PLXNA1: variants seen among roughly 807,000 people sequenced by gnomAD.
The protein encoded by PLXNA1 is plexin-A1.
PLXNA1 carries 77 observed loss-of-function variants against 191.7 expected under a neutral mutation model. The observed-to-expected ratio is 0.40, with a 90% CI of 0.33 to 0.49. The LOEUF (loss-of-function observed/expected upper bound fraction) is 0.49, where lower values mean the gene tolerates loss of function less well. Ranked by LOEUF, PLXNA1 falls within the 20% of genes least tolerant of loss-of-function variation. PLXNA1 has a pLI of 0.63. For synonymous variants in PLXNA1, 1,137 were observed against 1,156.4 expected (o/e 0.98, Z 0.34); for missense variants, 2,110 against 2,660.2 (o/e 0.79, Z 4.55).
In PLXNA1 at chr3:127,032,815, C is replaced by T; in HGVS notation, c.5574C>T (p.Tyr1858=). 1.2e-6 allele frequency: 2 copies of T among 1,613,208 alleles called. No individual in the cohort carries two copies. The highest frequency in any genetic ancestry group is 1.6e-4 in the Middle Eastern group (1 of 6,062). Residue 1858 remains tyrosine, a synonymous_variant, in exon 31 of 32, where the codon TAC becomes TAT. Transcript: ENST00000393409. The part of the protein sequence containing the change: ...SMSALHEIYS[Y]ITKYKDEILA... The stretch of plus-strand genomic sequence containing the variant: ...GCGCCTTGCACGAGATCTACTCCTA[C>T]ATCACCAAGTACAAGGATGAGGTGA...
At position 127,022,215 on chromosome 3, in the gene PLXNA1, C is replaced by T. The variant is rs1253989899; in HGVS notation, c.4169C>T (p.Ala1390Val). ...SFSMRDRGNV[A>V]SLIMTALQGE... is the part of the protein sequence containing the mutation. ...TCCATGCGCGACCGCGGGAATGTGG[C>T]CTCGCTCATCATGACGGCCCTGCAG... The change falls in exon 22 of 32, where the codon GCC (alanine) becomes GTC (valine). Residue 1390 changes from alanine to valine, a missense_variant. Ala to Val is a moderately conservative substitution (Grantham distance 64). Around this residue, in one of 4 missense-constraint regions of PLXNA1, gnomAD observed 559 missense variants for 911.5 expected, o/e 0.61. Transcript: ENST00000393409. 1 of 1,613,328 alleles carries T rather than the reference C, an allele frequency of 6.2e-7. No homozygotes were observed. Among genetic ancestry groups the T allele is most frequent in the African/African-American group, 1.3e-5 (1 of 74,954 alleles).
intron 3 of PLXNA1, among the ~76,000 whole-genome samples, chr3:126,997,305 T>C (rs2079019057): frequency 6.6e-6 from 1 of 152,184 alleles, no homozygotes. Flanking sequence ...GGAGCCTCTG[T>C]TGTTGTTCTG....
At chr3:126,999,705 C>G (rs960523511) in intron 3 of PLXNA1, among the ~76,000 whole-genome samples, 2 of 152,126 alleles carry the variant, frequency 1.3e-5, no homozygotes, top group Admixed American at 6.5e-5. Flanking sequence ...GGAGTGGGTA[C>G]AGCCAGCAGG....
chr3:127,028,774 A>G, intron 25 of PLXNA1: 1 of 582,090 alleles, frequency 1.7e-6, no homozygotes, highest in Non-Finnish European at 3.1e-6. Context: ...AAGGCAGGGC[A>G]GACCCCCTTA....
chr3:127,006,015 G>T (rs966989545), intron 7 of PLXNA1, 64 bp from the exon 8 acceptor site: 22 of 1,250,120 alleles, frequency 1.8e-5, no homozygotes, highest in Non-Finnish European at 2.5e-5. Flanking sequence ...CCCCTGTCTG[G>T]ACTTGCCCTG....
rs773750093 is a variant in PLXNA1 at position 127,004,893 on chromosome 3, G to T, written c.1628G>T (p.Arg543Leu). 1 of 1,597,264 alleles carries T rather than the reference G, an allele frequency of 6.3e-7. No homozygotes were observed. Among genetic ancestry groups the T allele is most frequent in the South Asian group, 1.1e-5 (1 of 89,386 alleles). Reference sequence around the variant, plus strand: ...AACCCCTCTGCCTGCAGCTGCTCGCGGCGGGACGCCTGTGAGCGAGCAGAC... The same window carrying T: ...AACCCCTCTGCCTGCAGCTGCTCGCTGCGGGACGCCTGTGAGCGAGCAGAC... Reference protein sequence around the residue: ...GWCVLHSICSRRDACERADEP... With the variant: ...GWCVLHSICSLRDACERADEP... The change falls in exon 6 of 32, where the codon CGG becomes CTG. Residue 543 changes from arginine to leucine, a missense_variant. Physicochemically the swap from Arg to Leu is moderately radical, Grantham distance 102. Transcript: ENST00000393409.
At chr3:126,999,417 G>A (rs1313790302) in intron 3 of PLXNA1, among the ~76,000 whole-genome samples, 1 of 152,194 alleles carries the variant, frequency 6.6e-6, no homozygotes, top group Non-Finnish European at 1.5e-5. Context: ...CAGAAAGAGG[G>A]AGGGCCAGGC....
rs116313830 is a variant in PLXNA1, at chr3:127,035,096, C to T, written c.*1079C>T. ...GGGCCTTGAGGTCTGTGGCAGGGCT[C>T]CTCTGGCCCGCAGTGGCCTGGATCT... On this transcript the variant is annotated 3_prime_UTR_variant, in exon 32 of 32. Transcript: ENST00000393409. The T allele has an allele frequency of 3.3e-5, 5 of 152,244 alleles. No homozygotes were observed. The highest frequency in any genetic ancestry group is 9.7e-5 in the African/African-American group (4 of 41,436). The allele number at this position is 152,244 out of a possible 1,614,324, so 9.4% of individuals were successfully genotyped here.
chr3:127,000,462 C>T (rs1252675331), intron 3 of PLXNA1, among the ~76,000 whole-genome samples: 1 of 152,158 alleles, frequency 6.6e-6, no homozygotes, highest in Non-Finnish European at 1.5e-5. Flanking sequence ...TTCTGTCCTG[C>T]CACCCGCTCT....
In PLXNA1 at chr3:127,015,310, T is replaced by C. The variant is rs150806907; in HGVS notation, c.3004T>C (p.Ser1002Pro). 5.0e-6 allele frequency: 8 copies of C among 1,601,310 alleles called. No individual in the cohort carries two copies. The African/African-American group carries it at 6.8e-5, about 14-fold the overall frequency. ...TGTGTCGGTCGGTGGCCGGCCCTGC[T>C]CCTTCTCCTGGTACGGGGTGCAGGT... ...VAVSVGGRPC[S>P]FSWRNSREIR... The change falls in exon 15 of 32, where the codon TCC becomes CCC. Residue 1002 changes from serine to proline, a missense_variant. Ser to Pro is a moderately conservative substitution (Grantham distance 74). Transcript: ENST00000393409.
At chr3:126,990,832 C>T (rs1200925502) in intron 2 of PLXNA1, among the ~76,000 whole-genome samples, 2 of 152,208 alleles carry the variant, frequency 1.3e-5, no homozygotes, top group Non-Finnish European at 2.9e-5. Context: ...GATGGAGACA[C>T]TGAGGCTTGT....
chr3:126,991,138 C>G (rs1282343476), intron 2 of PLXNA1, among the ~76,000 whole-genome samples: 1 of 152,224 alleles, frequency 6.6e-6, no homozygotes, highest in South Asian at 2.1e-4. Flanking sequence ...CCACACTGGC[C>G]CCCAGCTGCT....
chr3:127,001,868 G>A (rs2079042299), intron 3 of PLXNA1, among the ~76,000 whole-genome samples: 1 of 152,236 alleles, frequency 6.6e-6, no homozygotes, highest in Non-Finnish European at 1.5e-5. Context: ...TGGCCCAGAG[G>A]CTGGTCCTGG....
rs1370636460 is a variant in PLXNA1, at chr3:127,005,252, C to T, written c.1897+9C>T. ...CATCACGCGGGGCCAGGGTGAGTGG[C>T]CCCAACACAATGGTGCCCGCTGCCT... On this transcript the variant is annotated intron_variant, in intron 7 of 31. Coordinates refer to ENST00000393409, the MANE Select transcript of PLXNA1 (RefSeq NM_032242.4). The T allele has an allele frequency of 2.5e-6, 4 of 1,599,012 alleles. No individual in the cohort carries two copies. The highest frequency in any genetic ancestry group is 1.7e-5 in the Admixed American group (1 of 58,070).
intron 21 of PLXNA1, among the ~76,000 whole-genome samples, chr3:127,021,204 C>G (rs2079150679): frequency 6.6e-6 from 1 of 152,228 alleles, no homozygotes; most frequent in South Asian, 2.1e-4. Flanking sequence ...CTGAGTGCTG[C>G]CATCCTGTTC....
At chr3:126,992,637 G>A (rs996270400) in intron 3 of PLXNA1, among the ~76,000 whole-genome samples, 7 of 152,202 alleles carry the variant, frequency 4.6e-5, no homozygotes, top group African/African-American at 1.2e-4. Context: ...CTGGGGGCGG[G>A]GGGTGCTGGT....
At chr3:127,009,402 G>C (rs895820055) in intron 9 of PLXNA1, among the ~76,000 whole-genome samples, 1 of 152,106 alleles carries the variant, frequency 6.6e-6, no homozygotes, top group Admixed American at 6.5e-5. Context: ...CTGGGGGCAC[G>C]TGTGGGGTCG....
chr3:127,033,811 G>A, intron 31 of PLXNA1, 111 bp from the exon 32 acceptor site: 3 of 867,676 alleles, frequency 3.5e-6, no homozygotes, highest in Non-Finnish European at 5.4e-6. Context: ...CTTTGGCCAG[G>A]GGTAGATGGG....
At position 126,994,594 on chromosome 3, in the gene PLXNA1, C is replaced by T. The variant is rs73194717; in HGVS notation, c.1377+3028C>T. ...CTGTTATGTCCTGCAGACTCCAGTG[C>T]GAGGCCTCTGGCCTTGCTCCACTGT... On this transcript the variant is annotated intron_variant, in intron 3 of 31. Coordinates refer to ENST00000393409, the MANE Select transcript of PLXNA1 (RefSeq NM_032242.4). Among the ~76,000 whole-genome samples the T allele has an allele frequency of 6.7e-3, 1,017 of 152,254 alleles. 7 individuals are homozygous for T. The highest frequency in any genetic ancestry group is 0.011 in the Non-Finnish European group (745 of 68,010).
Sources: gnomAD v4.1 joint callset for allele counts (sites outside exome capture counted in the v4.1 genomes callset) on GRCh38, gnomAD v4.1.1 for gene constraint, gnomAD v4.1.1 regional missense constraint, MANE v1.5 for transcripts, NCBI Gene and HGNC (gene_info 2026-07-23, HGNC 2026-07-21) for gene names.